Variants in WSCD2 observed in about 807,000 individuals in gnomAD.
The protein encoded by WSCD2 is WSC domain sialate O sulfotransferase 2, also known as sialate:O-sulfotransferase 2.
A neutral mutation model predicts 55.7 loss-of-function variants in WSCD2; 28 were observed. The observed-to-expected ratio is 0.50, with a 90% CI of 0.37 to 0.69. The LOEUF is 0.69. Among genes scored for constraint, WSCD2 ranks in the 30% least tolerant of loss-of-function variants. WSCD2 has a pLI of 0.00. For missense variants in WSCD2, 616 were observed against 762.1 expected, an observed-to-expected ratio of 0.81 and a Z score of 2.26; for synonymous variants, 301 against 301.9, an observed-to-expected ratio of 1.00 and a Z score of 0.03.
rs112313899 is a variant in WSCD2 at position 108,227,727 on chromosome 12, G to GTGATGATGATGA, written c.979+578_979+589dup. On this transcript the variant is annotated intron_variant, in intron 6 of 8. Coordinates refer to ENST00000547525, the MANE Select transcript of WSCD2 (RefSeq NM_014653.4). ...GCTACCAGACATGATGATAATGATG[G>GTGATGATGATGA]TGATGATGATGATGATGATGATGAT... Among the ~76,000 whole-genome samples, 556 of 150,466 alleles carry GTGATGATGATGA rather than the reference G, an allele frequency of 3.7e-3. 3 individuals carry two copies. Among genetic ancestry groups the GTGATGATGATGA allele is most frequent in the African/African-American group, 0.013 (527 of 40,954 alleles).
At chr12:108,207,775 C>A (rs1483041118) in intron 3 of WSCD2, among the ~76,000 whole-genome samples, 1 of 152,008 alleles carries the variant, frequency 6.6e-6, no homozygotes, top group Non-Finnish European at 1.5e-5. Flanking sequence ...AGGACCCTCT[C>A]CAATTTGAAA....
intron 8 of WSCD2, chr12:108,244,508 C>A (rs1474577769): frequency 1.4e-6 from 1 of 702,904 alleles, no homozygotes; most frequent in Non-Finnish European, 2.6e-6. Flanking sequence ...TATTGAGCAC[C>A]TTGCTTGTCC....
At chr12:108,182,341 G>A (rs1334756802) in intron 1 of WSCD2, among the ~76,000 whole-genome samples, 5 of 152,344 alleles carry the variant, frequency 3.3e-5, no homozygotes, top group Admixed American at 6.5e-5. Flanking sequence ...AGCGAGGCAT[G>A]ACTGTCTCCC....
intron 1 of WSCD2, among the ~76,000 whole-genome samples, chr12:108,133,205 TGTGA>T (rs1033730429): frequency 1.3e-5 from 2 of 152,200 alleles, no homozygotes; most frequent in Non-Finnish European, 2.9e-5. Flanking sequence ...TGTGTGTGTT[TGTGA>T]GTGTCAGTAT....
intron 8 of WSCD2, among the ~76,000 whole-genome samples, chr12:108,240,835 A>G (rs1889685178): frequency 2.0e-5 from 3 of 152,148 alleles, no homozygotes. Context: ...TTGGGTTCAG[A>G]TCTCAGCTCT....
chr12:108,192,426 C>A (rs1883302771), intron 1 of WSCD2, among the ~76,000 whole-genome samples: 1 of 152,160 alleles, frequency 6.6e-6, no homozygotes, highest in Admixed American at 6.5e-5. Flanking sequence ...TGCCTGAGTG[C>A]CTCTGGAAGG....
intron 1 of WSCD2, among the ~76,000 whole-genome samples, chr12:108,137,153 C>T (rs1876315139): frequency 6.6e-6 from 1 of 152,194 alleles, no homozygotes; most frequent in Non-Finnish European, 1.5e-5. Flanking sequence ...GTGTCCTGGG[C>T]TCTTTGCATT....
At chr12:108,131,093 G>C (rs960524654) in intron 1 of WSCD2, among the ~76,000 whole-genome samples, 2 of 152,100 alleles carry the variant, frequency 1.3e-5, no homozygotes, top group Non-Finnish European at 2.9e-5. Flanking sequence ...TCCGATCTCA[G>C]GCCAAGTTAG....
At chr12:108,223,888 C>T (rs1322623737) in intron 4 of WSCD2, among the ~76,000 whole-genome samples, 4 of 152,170 alleles carry the variant, frequency 2.6e-5, no homozygotes, top group African/African-American at 9.7e-5. Flanking sequence ...TCATCCAGAG[C>T]CCCCTCCTGA....
intron 3 of WSCD2, 69 bp downstream of exon 3, chr12:108,206,472 C>T (rs1565964086): frequency 6.8e-7 from 1 of 1,474,728 alleles, no homozygotes. Context: ...CTGTGGTATT[C>T]TTTGCCCTGC....
chr12:108,249,905 C>G lies in WSCD2; in HGVS notation c.*1562C>G, dbSNP rs529120968. On this transcript the variant is annotated 3_prime_UTR_variant, in exon 9 of 9. Transcript: ENST00000547525. ...AGGGGGCTCTGAATGTATTTTGTAC[C>G]GTGTTTCTTTCCCCCAGGAGAATTT... 5.2e-5 allele frequency: 8 copies of G among 152,590 alleles called. No homozygotes were observed. Among genetic ancestry groups the G allele is most frequent in the African/African-American group, 1.9e-4 (8 of 41,432 alleles). The allele number at this position is 152,590 out of a possible 1,614,324, so 9.5% of individuals were successfully genotyped here.
chr12:108,154,524 G>C (rs891289032), intron 1 of WSCD2, among the ~76,000 whole-genome samples: 10 of 152,122 alleles, frequency 6.6e-5, no homozygotes, highest in African/African-American at 2.4e-4. Flanking sequence ...AAGATTCCTA[G>C]CTTAATCACA....
chr12:108,231,127 C>G (rs1888703430), intron 6 of WSCD2, among the ~76,000 whole-genome samples: 1 of 152,130 alleles, frequency 6.6e-6, no homozygotes, highest in South Asian at 2.1e-4. Flanking sequence ...GGATGGGTGG[C>G]TTCCCCAGAA....
chr12:108,206,821 G>C (rs1160787516), intron 3 of WSCD2, among the ~76,000 whole-genome samples: 1 of 152,216 alleles, frequency 6.6e-6, no homozygotes, highest in Admixed American at 6.5e-5. Context: ...TGCATTTGTT[G>C]AATGTTCAAC....
At chr12:108,137,676 C>T (rs1450917699) in intron 1 of WSCD2, among the ~76,000 whole-genome samples, 1 of 152,214 alleles carries the variant, frequency 6.6e-6, no homozygotes, top group Non-Finnish European at 1.5e-5. Flanking sequence ...AAATGGCCAG[C>T]CTCTGTGCTG....
chr12:108,151,390 G>T (rs1176032552), intron 1 of WSCD2, among the ~76,000 whole-genome samples: 1 of 152,154 alleles, frequency 6.6e-6, no homozygotes, highest in Non-Finnish European at 1.5e-5. Flanking sequence ...ATTGGCCCCA[G>T]TTAAGAACCA....
At chr12:108,168,143 C>A (rs1204595251) in intron 1 of WSCD2, among the ~76,000 whole-genome samples, 1 of 152,164 alleles carries the variant, frequency 6.6e-6, no homozygotes, top group Non-Finnish European at 1.5e-5. Context: ...TGAATGGGGG[C>A]AACATTGACT....
intron 6 of WSCD2, 120 bp downstream of exon 6, chr12:108,227,284 G>A (rs1187603033): frequency 1.6e-6 from 2 of 1,223,680 alleles, no homozygotes; most frequent in Admixed American, 2.7e-5. Context: ...GCAAGCCAGA[G>A]GGCAGGGCTG....
intron 1 of WSCD2, among the ~76,000 whole-genome samples, chr12:108,151,116 A>T (rs1877952728): frequency 6.6e-6 from 1 of 151,972 alleles, no homozygotes; most frequent in African/African-American, 2.4e-5. Context: ...GCTCACTCCC[A>T]TGAGGTCCCG....
Sources: allele counts gnomAD v4.1 joint callset (sites outside exome capture counted in the v4.1 genomes callset), GRCh38; gene constraint gnomAD v4.1.1; transcripts MANE v1.5; gene names NCBI Gene and HGNC (gene_info 2026-07-23, HGNC 2026-07-21).